Variants in DLG2 observed in about 807,000 individuals in gnomAD.
The protein encoded by DLG2 is disks large homolog 2.
DLG2 carries 45 observed loss-of-function variants against 132.5 expected under a neutral mutation model. The observed-to-expected ratio is 0.34, with a 90% CI of 0.27 to 0.44. The LOEUF (loss-of-function observed/expected upper bound fraction) is 0.44, where lower values mean the gene tolerates loss of function less well. Among genes scored for constraint, DLG2 ranks in the 20% least tolerant of loss-of-function variants. DLG2 has a pLI of 1.00. For missense variants in DLG2, 1,045 were observed against 1,196.9 expected, an observed-to-expected ratio of 0.87 and a Z score of 1.87; for synonymous variants, 424 against 419.6, an observed-to-expected ratio of 1.01 and a Z score of -0.13.
chr11:84,375,193 G>C (rs1208010812), intron 7 of DLG2, among the ~76,000 whole-genome samples: 1 of 152,082 alleles, frequency 6.6e-6, no homozygotes, highest in Non-Finnish European at 1.5e-5. Flanking sequence ...CTGATTATGT[G>C]AATAATTCTC....
rs376708974 is a variant in DLG2 at position 85,449,166 on chromosome 11, C to T, written c.40+149491G>A. ...TTCCTTTCCTTTTTCTATTTATTTTCCTTGGTTAGAATTTTTATGCTTCCT... is the reference window on the plus strand; with the variant it reads ...TTCCTTTCCTTTTTCTATTTATTTTTCTTGGTTAGAATTTTTATGCTTCCT... On this transcript the variant is annotated intron_variant, in intron 3 of 27. Transcript: ENST00000376104. Among the ~76,000 whole-genome samples, 13 of 151,390 alleles carry T rather than the reference C, an allele frequency of 8.6e-5. No individual in the cohort carries two copies. In the South Asian group the frequency reaches 1.5e-3, roughly 17 times the overall value.
At position 84,383,603 on chromosome 11, in the gene DLG2, C is replaced by T. The variant is rs201942601; in HGVS notation, c.520-132312G>A. Among the ~76,000 whole-genome samples, 5 of 152,212 alleles carry T rather than the reference C, an allele frequency of 3.3e-5. No homozygotes were observed. In the East Asian group the frequency reaches 5.8e-4, roughly 18 times the overall value. The stretch of plus-strand genomic sequence containing the variant: ...TGTTGTGAACTGCCTATGGAGAGGG[C>T]TGCATGGCAGGGTACTGTGGGCAGA... On this transcript the variant is annotated intron_variant, in intron 7 of 27. Coordinates refer to ENST00000376104, the MANE Select transcript of DLG2 (RefSeq NM_001142699.3).
At chr11:84,045,593 G>A (rs1346901447) in intron 11 of DLG2, among the ~76,000 whole-genome samples, 4 of 151,676 alleles carry the variant, frequency 2.6e-5, no homozygotes, top group Non-Finnish European at 5.9e-5. Flanking sequence ...AACAGAAGTA[G>A]AGTATGGAGC....
chr11:84,484,118 G>A (rs977673206), intron 7 of DLG2, among the ~76,000 whole-genome samples: 1 of 152,048 alleles, frequency 6.6e-6, no homozygotes, highest in African/African-American at 2.4e-5. Context: ...TCTACTGTGG[G>A]GTACAAGAGA....
intron 16 of DLG2, among the ~76,000 whole-genome samples, chr11:83,845,307 A>G (rs559564395): frequency 7.2e-5 from 11 of 152,332 alleles, no homozygotes; most frequent in Non-Finnish European, 1.2e-4. Context: ...ACTTGTGAAG[A>G]GAGGGGCATA....
rs114349974 is a variant in DLG2 at position 83,968,826 on chromosome 11, C to T, written c.1057-3358G>A. 2.2e-3 allele frequency among the ~76,000 whole-genome samples: 329 copies of T among 152,220 alleles called. 1 individual carries two copies. The highest frequency in any genetic ancestry group is 7.8e-3 in the African/African-American group (322 of 41,528). ...TTCTTCCAGATAGACAAGGTCCTTGCTTTCATGAAACCCACATTAATAATA... is the reference window on the plus strand; with the variant it reads ...TTCTTCCAGATAGACAAGGTCCTTGTTTTCATGAAACCCACATTAATAATA... On this transcript the variant is annotated intron_variant, in intron 12 of 27. Transcript: ENST00000376104.
intron 11 of DLG2, among the ~76,000 whole-genome samples, chr11:83,985,669 C>T (rs569392127): frequency 1.3e-4 from 20 of 152,164 alleles, no homozygotes; most frequent in Admixed American, 5.2e-4. Context: ...CATCCATGTC[C>T]CTGTAGAGGA....
chr11:84,290,895 G>T (rs1240489877), intron 7 of DLG2, among the ~76,000 whole-genome samples: 2 of 152,084 alleles, frequency 1.3e-5, no homozygotes, highest in Non-Finnish European at 2.9e-5. Context: ...CTATGAGTAA[G>T]TTGCTTAAAC....
intron 6 of DLG2, among the ~76,000 whole-genome samples, chr11:84,758,553 T>C (rs571603362): frequency 3.9e-4 from 59 of 152,240 alleles, no homozygotes; most frequent in Non-Finnish European, 1.3e-4. Flanking sequence ...TGTTTTCTGA[T>C]ACTGATTCAT....
chr11:84,517,500 G>A (rs998852816), intron 7 of DLG2, among the ~76,000 whole-genome samples: 11 of 151,874 alleles, frequency 7.2e-5, no homozygotes, highest in Non-Finnish European at 1.2e-4. Flanking sequence ...GATAATAAAC[G>A]CTGGCAAGGA....
At chr11:83,597,731 G>A (rs958140344) in intron 19 of DLG2, among the ~76,000 whole-genome samples, 1 of 152,138 alleles carries the variant, frequency 6.6e-6, no homozygotes, top group Non-Finnish European at 1.5e-5. Context: ...GCTGCAGTGA[G>A]CTGAGGCTGC....
At chr11:85,283,507 G>C (rs2078367261) in intron 4 of DLG2, among the ~76,000 whole-genome samples, 2 of 149,366 alleles carry the variant, frequency 1.3e-5, no homozygotes, top group Middle Eastern at 3.5e-3. Context: ...TATGACAACA[G>C]GATGGCATGT....
chr11:84,808,370 A>T (rs2076222962), intron 6 of DLG2, among the ~76,000 whole-genome samples: 1 of 152,086 alleles, frequency 6.6e-6, no homozygotes, highest in Non-Finnish European at 1.5e-5. Flanking sequence ...AAATGTATAT[A>T]TTCGAAAAGA....
At chr11:84,760,856 G>A (rs1417723383) in intron 6 of DLG2, among the ~76,000 whole-genome samples, 2 of 152,072 alleles carry the variant, frequency 1.3e-5, no homozygotes, top group East Asian at 1.9e-4. Flanking sequence ...AGCAGAGACC[G>A]GCAGCTACGT....
At chr11:83,884,006 C>T (rs978335275) in intron 15 of DLG2, among the ~76,000 whole-genome samples, 4 of 151,528 alleles carry the variant, frequency 2.6e-5, no homozygotes, top group East Asian at 1.9e-4. Context: ...CAGCTCCCAG[C>T]GTGAGTGACG....
At chr11:84,775,717 C>G (rs1233347215) in intron 6 of DLG2, among the ~76,000 whole-genome samples, 1 of 151,916 alleles carries the variant, frequency 6.6e-6, no homozygotes, top group African/African-American at 2.4e-5. Flanking sequence ...TTATACATGG[C>G]AACAATAGAC....
At chr11:84,645,459 T>C (rs1197189667) in intron 6 of DLG2, among the ~76,000 whole-genome samples, 1 of 151,974 alleles carries the variant, frequency 6.6e-6, no homozygotes, top group South Asian at 2.1e-4. Context: ...CCATCCATAA[T>C]TATCTTTATT....
At chr11:84,032,890 A>G (rs1462579752) in intron 11 of DLG2, among the ~76,000 whole-genome samples, 1 of 152,192 alleles carries the variant, frequency 6.6e-6, no homozygotes, top group Non-Finnish European at 1.5e-5. Context: ...CCTGTACTCT[A>G]TAAATGAAAC....
intron 3 of DLG2, among the ~76,000 whole-genome samples, chr11:85,524,804 T>C (rs1245507678): frequency 6.6e-6 from 1 of 152,114 alleles, no homozygotes; most frequent in East Asian, 1.9e-4. Context: ...GCTACTCTAA[T>C]TTTATTTATA....
Sources: gnomAD v4.1 joint callset for allele counts (sites outside exome capture counted in the v4.1 genomes callset) on GRCh38, gnomAD v4.1.1 for gene constraint, MANE v1.5 for transcripts, NCBI Gene and HGNC (gene_info 2026-07-23, HGNC 2026-07-21) for gene names.